Variants in CBX6 observed in about 807,000 individuals in gnomAD.
CBX6 encodes the protein chromobox 6, also known as chromobox protein homolog 6.
In CBX6, 7 loss-of-function variants were observed where a neutral mutation model predicts 28.4. That is an observed-to-expected ratio of 0.25 (90% CI 0.14 to 0.46). The LOEUF (loss-of-function observed/expected upper bound fraction) is 0.46, where lower values mean the gene tolerates loss of function less well. CBX6 is among the 20% of genes least tolerant of loss of function. The pLI, the probability that CBX6 is intolerant of heterozygous loss-of-function variation, is 0.99. For missense variants in CBX6, 512 were observed against 606.1 expected, an observed-to-expected ratio of 0.84 and a Z score of 1.63; for synonymous variants, 297 against 273.4, an observed-to-expected ratio of 1.09 and a Z score of -0.85.
chr22:38,872,005 A>C lies in CBX6; in HGVS notation c.70-60T>G. On this transcript the variant is annotated intron_variant, in intron 1 of 4. Coordinates refer to ENST00000407418, the MANE Select transcript of CBX6 (RefSeq NM_014292.5). This position sits in a 1 kb window ranked among gnomAD's most constrained non-coding sequence, Gnocchi z 5.0. ...GTGGGGAGGATGCGGGGACGCGAGG[A>C]GGCGGCGGCGCGGGGCTGGGCGAGG... The C allele has an allele frequency of 7.1e-7, 1 of 1,408,294 alleles. No homozygotes were observed. Among genetic ancestry groups the C allele is most frequent in the Non-Finnish European group, 9.4e-7 (1 of 1,062,880 alleles). 87.2% of individuals were successfully genotyped at this position (1,408,294 alleles called of 1,614,324 possible).
In CBX6 at chr22:38,862,244, C is replaced by A. The variant is rs1302715243; in HGVS notation, c.*3965G>T. 6.6e-6 allele frequency: 1 copy of A among 152,226 alleles called. No homozygotes were observed. The highest frequency in any genetic ancestry group is 2.4e-5 in the African/African-American group (1 of 41,452). 9.4% of individuals were successfully genotyped at this position (152,226 alleles called of 1,614,324 possible). Reference sequence around the variant, plus strand: ...TGGGAGGGGGCATCTTTGGCCCCCACTAACCATCTCCCTATTTCTGCATCC... The same window carrying A: ...TGGGAGGGGGCATCTTTGGCCCCCAATAACCATCTCCCTATTTCTGCATCC... On this transcript the variant is annotated 3_prime_UTR_variant, in exon 5 of 5. Coordinates refer to ENST00000407418, the MANE Select transcript of CBX6 (RefSeq NM_014292.5).
At chr22:38,868,747 A>G (rs2146214848) in intron 4 of CBX6, among the ~76,000 whole-genome samples, 1 of 152,236 alleles carries the variant, frequency 6.6e-6, no homozygotes, top group Non-Finnish European at 1.5e-5. Context: ...GAGGTCCATG[A>G]GGGTGGGATC....
chr22:38,871,232 C>T lies in CBX6; in HGVS notation c.246+248G>A. The stretch of plus-strand genomic sequence containing the variant: ...CTTTCCTGGAGCCCTAAAGGCATCC[C>T]CAGCCCCTGGTTTCAACAGGGAGGA... On this transcript the variant is annotated intron_variant, in intron 4 of 4. Coordinates refer to ENST00000407418, the MANE Select transcript of CBX6 (RefSeq NM_014292.5). This position sits in a 1 kb window ranked among gnomAD's most constrained non-coding sequence, Gnocchi z 5.6. The T allele has an allele frequency of 1.7e-6, 1 of 587,802 alleles. No individual in the cohort carries two copies. Among genetic ancestry groups the T allele is most frequent in the East Asian group, 3.0e-5 (1 of 33,614 alleles). 36.4% of individuals were successfully genotyped at this position (587,802 alleles called of 1,614,324 possible).
chr22:38,866,858 A>G lies in CBX6; in HGVS notation c.590T>C (p.Leu197Pro). ...CCGCGAGGGGACTTTGGGGCGGGCC[A>G]GCGCCCCGGCCCCCTGCCCGGCGCC... ...GGGAGQGAGA[L>P]ARPKVPSRNR... Residue 197 changes from leucine to proline, a missense_variant, in exon 5 of 5, where the codon CTG (leucine) becomes CCG (proline). Physicochemically the swap from Leu to Pro is moderately conservative, Grantham distance 98. Coordinates refer to ENST00000407418, the MANE Select transcript of CBX6 (RefSeq NM_014292.5). The surrounding 1 kb of genome is among the most constrained non-coding windows in gnomAD (Gnocchi z 7.5). 2 of 1,608,094 alleles carry G rather than the reference A, an allele frequency of 1.2e-6. No homozygotes were observed. The highest frequency in any genetic ancestry group is 1.1e-5 in the South Asian group (1 of 90,670).
rs776392309 is a variant in CBX6 at position 38,866,240 on chromosome 22, C to A, written c.1208G>T (p.Gly403Val). The A allele has an allele frequency of 6.2e-7, 1 of 1,612,750 alleles. No individual in the cohort carries two copies. The highest frequency in any genetic ancestry group is 8.5e-7 in the Non-Finnish European group (1 of 1,179,636). ...KVAAGVAGAA[G>V]GGGSIGASK Reference sequence around the variant, plus strand: ...GCTCGCCCCAATGCTGCCACCGCCCCCAGCGGCGCCTGCTACCCCAGCAGC... The same window carrying A: ...GCTCGCCCCAATGCTGCCACCGCCCACAGCGGCGCCTGCTACCCCAGCAGC... The change falls in exon 5 of 5, where the codon GGG becomes GTG. Residue 403 changes from glycine (G) to valine (V), a missense_variant. By Grantham distance (109) the Gly-to-Val change is moderately radical. Coordinates refer to ENST00000407418, the MANE Select transcript of CBX6 (RefSeq NM_014292.5). The surrounding 1 kb of genome is among the most constrained non-coding windows in gnomAD (Gnocchi z 7.5).
intron 4 of CBX6, among the ~76,000 whole-genome samples, chr22:38,867,547 A>T (rs761665358): frequency 1.6e-4 from 25 of 152,150 alleles, no homozygotes; most frequent in Non-Finnish European, 2.5e-4. Flanking sequence ...ATTGGGACAC[A>T]GTGTCGGGAG....
Position 38,862,976 on chromosome 22 carries a change from G to A in CBX6, c.*3233C>T, listed in dbSNP as rs1006514617. 8 of 152,262 alleles carry A rather than the reference G, an allele frequency of 5.3e-5. No individual in the cohort carries two copies. Among genetic ancestry groups the A allele is most frequent in the Non-Finnish European group, 7.3e-5 (5 of 68,070 alleles). 9.4% of individuals were successfully genotyped at this position (152,262 alleles called of 1,614,324 possible). ...CTGTCCACCTCACACTGAAGTTGGG[G>A]ACTTGATCATCACCTCTTCCCAGAT... is the stretch of plus-strand genomic sequence containing the variant. On this transcript the variant is annotated 3_prime_UTR_variant, in exon 5 of 5. Transcript: ENST00000407418.
chr22:38,864,587 A>C lies in CBX6; in HGVS notation c.*1622T>G, dbSNP rs1355216880. Reference sequence around the variant, plus strand: ...AACCCTGCGAGGGTCCCCGTTCTACATCCCGGGGAGGGGAGGGCTAGGGCC... The same window carrying C: ...AACCCTGCGAGGGTCCCCGTTCTACCTCCCGGGGAGGGGAGGGCTAGGGCC... On this transcript the variant is annotated 3_prime_UTR_variant, in exon 5 of 5. Coordinates refer to ENST00000407418, the MANE Select transcript of CBX6 (RefSeq NM_014292.5). 6.6e-6 allele frequency: 1 copy of C among 152,580 alleles called. No homozygotes were observed. Among genetic ancestry groups the C allele is most frequent in the African/African-American group, 2.4e-5 (1 of 41,466 alleles). The allele number at this position is 152,580 out of a possible 1,614,324, so 9.5% of individuals were successfully genotyped here. A position where few individuals can be genotyped will look rare whatever the true frequency, so the allele number is the denominator to read the frequency against.
chr22:38,866,159 G>T lies in CBX6; in HGVS notation c.*50C>A. The T allele has an allele frequency of 7.6e-7, 1 of 1,323,958 alleles. No homozygotes were observed. The highest frequency in any genetic ancestry group is 1.4e-5 in the African/African-American group (1 of 69,138). The allele number at this position is 1,323,958 out of a possible 1,614,324, so 82.0% of individuals were successfully genotyped here. ...AAGGGTGGGGTGGGAGCAAGAGTAT[G>T]ACTTCGGGCAGGAGGGCCCCCCCAA... On this transcript the variant is annotated 3_prime_UTR_variant, in exon 5 of 5. Transcript: ENST00000407418. This position sits in a 1 kb window ranked among gnomAD's most constrained non-coding sequence, Gnocchi z 7.5.
rs2093161100 is a variant in CBX6 at position 38,862,997 on chromosome 22, CA to C, written c.*3211del. On this transcript the variant is annotated 3_prime_UTR_variant, in exon 5 of 5. Coordinates refer to ENST00000407418, the MANE Select transcript of CBX6 (RefSeq NM_014292.5). ...TGGGGACTTGATCATCACCTCTTCCCAGATCATAGGAAGGATGAGGCTCATT... is the reference window on the plus strand; with the variant it reads ...TGGGGACTTGATCATCACCTCTTCCCGATCATAGGAAGGATGAGGCTCATT... The C allele has an allele frequency of 6.6e-6, 1 of 152,264 alleles. No homozygotes were observed. The highest frequency in any genetic ancestry group is 1.5e-5 in the Non-Finnish European group (1 of 68,058). The allele number at this position is 152,264 out of a possible 1,614,324, so 9.4% of individuals were successfully genotyped here.
In CBX6 at chr22:38,871,430, C is replaced by T. The variant is rs765655983; in HGVS notation, c.246+50G>A. 1.3e-6 allele frequency: 2 copies of T among 1,547,132 alleles called. No individual in the cohort carries two copies. The highest frequency in any genetic ancestry group is 1.8e-6 in the Non-Finnish European group (2 of 1,137,400). ...CTCCCTTCCAGGCCCCGTGCTGTGC[C>T]GGGGCTGGGGGCCCGAGAGGGGGAT... On this transcript the variant is annotated intron_variant, in intron 4 of 4. Coordinates refer to ENST00000407418, the MANE Select transcript of CBX6 (RefSeq NM_014292.5). This position sits in a 1 kb window ranked among gnomAD's most constrained non-coding sequence, Gnocchi z 5.6.
In CBX6 at chr22:38,867,158, A is replaced by T; in HGVS notation, c.290T>A (p.Phe97Tyr). ...AEALRISDVH[F>Y]SVKPSASASS... ...GGCACTGGCGCTCGGCTTGACAGAG[A>T]AATGCACATCACTGATGCGGAGGGC... The change falls in exon 5 of 5, where the codon TTC becomes TAC. Residue 97 changes from phenylalanine to tyrosine, a missense_variant. Transcript: ENST00000407418. The T allele has an allele frequency of 6.4e-7, 1 of 1,560,190 alleles. No homozygotes were observed. The highest frequency in any genetic ancestry group is 8.6e-7 in the Non-Finnish European group (1 of 1,157,660).
chr22:38,868,934 C>A (rs747177642), intron 4 of CBX6, among the ~76,000 whole-genome samples: 1 of 152,202 alleles, frequency 6.6e-6, no homozygotes, highest in Non-Finnish European at 1.5e-5. Flanking sequence ...TAGAACGTGG[C>A]GTTCACCCCC....
chr22:38,867,228 G>GGGGGGTGGC, intron 4 of CBX6, 27 bp from the exon 5 acceptor site: 11 of 518,826 alleles, frequency 2.1e-5, no homozygotes, highest in East Asian at 1.5e-4. Context: ...GGGTGGGTGG[G>GGGGGGTGGC]ACCTCAGGAC....
Position 38,866,646 on chromosome 22 carries a change from AGGGGGCGGC to A in CBX6, c.793_801del (p.Ala265_Pro267del), listed in dbSNP as rs767594197. 9 of 1,159,642 alleles carry A rather than the reference AGGGGGCGGC, an allele frequency of 7.8e-6. No homozygotes were observed. The Admixed American group carries it at 1.3e-4, about 16-fold the overall frequency. 71.8% of individuals were successfully genotyped at this position (1,159,642 alleles called of 1,614,324 possible). On this transcript the variant is annotated inframe_deletion, in exon 5 of 5. Coordinates refer to ENST00000407418, the MANE Select transcript of CBX6 (RefSeq NM_014292.5). The surrounding 1 kb of genome is among the most constrained non-coding windows in gnomAD (Gnocchi z 7.5). ...GAGGAGCCAGAGCTGCGGGCGTCGT[AGGGGGCGGC>A]GGGGGCGGCCAGAAGTAGCCCAGGG...
Position 38,871,624 on chromosome 22 carries a change from G to A in CBX6, c.179+68C>T, listed in dbSNP as rs1463874704. The A allele has an allele frequency of 1.9e-6, 3 of 1,610,060 alleles. No homozygotes were observed. Among genetic ancestry groups the A allele is most frequent in the South Asian group, 1.1e-5 (1 of 90,930 alleles). On this transcript the variant is annotated intron_variant, in intron 3 of 4. Transcript: ENST00000407418. This position sits in a 1 kb window ranked among gnomAD's most constrained non-coding sequence, Gnocchi z 5.6. ...CCGCGCTGCCCTCCCCGGCTCTCCC[G>A]CTTCCCCGCGCGGCGCCCCAGCCGA...
intron 4 of CBX6, 27 bp from the exon 5 acceptor site, chr22:38,867,228 G>GGGGGGGGGGGGCC: frequency 3.9e-6 from 2 of 518,864 alleles, no homozygotes; most frequent in East Asian, 5.0e-5. Flanking sequence ...GGGTGGGTGG[G>GGGGGGGGGGGGCC]ACCTCAGGAC....
rs893171350 is a variant in CBX6 at position 38,871,431 on chromosome 22, G to A, written c.246+49C>T. ...TCCCTTCCAGGCCCCGTGCTGTGCCGGGGCTGGGGGCCCGAGAGGGGGATG... is the reference window on the plus strand; with the variant it reads ...TCCCTTCCAGGCCCCGTGCTGTGCCAGGGCTGGGGGCCCGAGAGGGGGATG... On this transcript the variant is annotated intron_variant, in intron 4 of 4. Coordinates refer to ENST00000407418, the MANE Select transcript of CBX6 (RefSeq NM_014292.5). This position sits in a 1 kb window ranked among gnomAD's most constrained non-coding sequence, Gnocchi z 5.6. The A allele has an allele frequency of 7.7e-6, 12 of 1,549,196 alleles. No individual in the cohort carries two copies. Among genetic ancestry groups the A allele is most frequent in the South Asian group, 1.2e-5 (1 of 85,002 alleles).
rs1261768668 is a variant in CBX6, at chr22:38,871,235, G to A, written c.246+245C>T. The A allele has an allele frequency of 3.4e-6, 2 of 587,482 alleles. No homozygotes were observed. The highest frequency in any genetic ancestry group is 6.0e-5 in the East Asian group (2 of 33,596). The allele number at this position is 587,482 out of a possible 1,614,324, so 36.4% of individuals were successfully genotyped here. A position where few individuals can be genotyped will look rare whatever the true frequency, so the allele number is the denominator to read the frequency against. ...TCCTGGAGCCCTAAAGGCATCCCCA[G>A]CCCCTGGTTTCAACAGGGAGGATTA... is the stretch of plus-strand genomic sequence containing the variant. On this transcript the variant is annotated intron_variant, in intron 4 of 4. Transcript: ENST00000407418. This position sits in a 1 kb window ranked among gnomAD's most constrained non-coding sequence, Gnocchi z 5.6.
Sources: gnomAD v4.1 joint callset for allele counts (sites outside exome capture counted in the v4.1 genomes callset) on GRCh38, gnomAD v4.1.1 for gene constraint, Gnocchi (gnomAD v3.1) non-coding constraint, MANE v1.5 for transcripts, NCBI Gene and HGNC (gene_info 2026-07-23, HGNC 2026-07-21) for gene names.